Variants in ELK3 observed in about 807,000 individuals in gnomAD.
ELK3 encodes the protein ETS domain-containing protein Elk-3.
In ELK3, 10 loss-of-function variants were observed where a neutral mutation model predicts 28.9. That is an observed-to-expected ratio of 0.35 (90% CI 0.21 to 0.59). The LOEUF (loss-of-function observed/expected upper bound fraction) is 0.59. Ranked by LOEUF, ELK3 falls within the 20% of genes least tolerant of loss-of-function variation. The probability of loss-of-function intolerance (pLI) is 0.82; values close to 1 mark genes in which losing one functional copy is unlikely to be tolerated. For missense variants in ELK3, 463 were observed against 517.3 expected (o/e 0.90, Z 1.02); for synonymous variants, 272 against 243.5 (o/e 1.12, Z -1.09).
Position 96,223,852 on chromosome 12 carries a change from A to T in ELK3, c.207+79A>T. On this transcript the variant is annotated intron_variant, in intron 2 of 4. Transcript: ENST00000228741. Reference sequence around the variant, plus strand: ...CGTAGTTCACTGATGAAAGAAAATAATAGCGTGCTATGAATCAAGTTAGAA... The same window carrying T: ...CGTAGTTCACTGATGAAAGAAAATATTAGCGTGCTATGAATCAAGTTAGAA... 8 of 1,381,550 alleles carry T rather than the reference A, an allele frequency of 5.8e-6. No homozygotes were observed. In the East Asian group the frequency reaches 1.9e-4, roughly 33 times the overall value. 85.6% of individuals were successfully genotyped at this position (1,381,550 alleles called of 1,614,324 possible).
At chr12:96,266,418 C>T (rs1012636462) in intron 4 of ELK3, among the ~76,000 whole-genome samples, 4 of 152,070 alleles carry the variant, frequency 2.6e-5, no homozygotes, top group Non-Finnish European at 4.4e-5. Context: ...TGTTTCAGAC[C>T]TGAAACTCAT....
intron 4 of ELK3, among the ~76,000 whole-genome samples, chr12:96,265,070 G>A (rs995110961): frequency 2.6e-5 from 4 of 152,162 alleles, no homozygotes; most frequent in African/African-American, 9.7e-5. Context: ...TGGGAAAGAG[G>A]CATTGGTTGG....
At chr12:96,249,611 T>A (rs1164499269) in intron 3 of ELK3, among the ~76,000 whole-genome samples, 1 of 125,984 alleles carries the variant, frequency 7.9e-6, no homozygotes. Context: ...TGTTTACAAC[T>A]GTCAGGGTGA....
chr12:96,227,475 A>C (rs1951710418), intron 2 of ELK3, among the ~76,000 whole-genome samples: 1 of 151,628 alleles, frequency 6.6e-6, no homozygotes, highest in Non-Finnish European at 1.5e-5. Context: ...TTTATATGTT[A>C]TATGTTATAT....
intron 1 of ELK3, among the ~76,000 whole-genome samples, chr12:96,203,803 T>C (rs2268513): frequency 0.31 from 46,763 of 152,038 alleles, 7,550 homozygotes; most frequent in East Asian, 0.6. Flanking sequence ...TAGCCGAGTG[T>C]GGTGGCGCAT....
chr12:96,213,216 T>G (rs747503490), intron 1 of ELK3, among the ~76,000 whole-genome samples: 1 of 152,250 alleles, frequency 6.6e-6, no homozygotes, highest in Non-Finnish European at 1.5e-5. Flanking sequence ...TTAAATTGCC[T>G]TGCTGCTTTG....
At chr12:96,228,944 C>T (rs779141176) in intron 2 of ELK3, among the ~76,000 whole-genome samples, 47 of 152,226 alleles carry the variant, frequency 3.1e-4, no homozygotes, top group Middle Eastern at 3.2e-3. Flanking sequence ...GTGTCAGGCA[C>T]CTACTCAGTG....
intron 2 of ELK3, among the ~76,000 whole-genome samples, chr12:96,246,277 T>A (rs1343068182): frequency 1.3e-5 from 2 of 152,204 alleles, no homozygotes; most frequent in Non-Finnish European, 2.9e-5. Context: ...TCCAAATTTT[T>A]AAAATAGGAG....
chr12:96,239,692 C>T (rs148044297), intron 2 of ELK3, among the ~76,000 whole-genome samples: 178 of 152,366 alleles, frequency 1.2e-3, no homozygotes, highest in Non-Finnish European at 1.8e-3. Flanking sequence ...CAGGTTCCTG[C>T]CTCGGGTCTT....
chr12:96,264,267 G>A (rs982118586), intron 4 of ELK3, among the ~76,000 whole-genome samples: 8 of 152,124 alleles, frequency 5.3e-5, no homozygotes, highest in Non-Finnish European at 1.0e-4. Flanking sequence ...GATTACAGGT[G>A]TCAACGACCA....
chr12:96,243,431 T>C (rs573924156), intron 2 of ELK3, among the ~76,000 whole-genome samples: 6 of 152,176 alleles, frequency 3.9e-5, no homozygotes, highest in Non-Finnish European at 8.8e-5. Flanking sequence ...CAGTGAATCA[T>C]AGAATAGAAT....
chr12:96,229,917 T>C (rs535244297), intron 2 of ELK3, among the ~76,000 whole-genome samples: 7 of 152,226 alleles, frequency 4.6e-5, no homozygotes, highest in African/African-American at 1.7e-4. Flanking sequence ...GTTACGTCTG[T>C]AAAGACCCCT....
chr12:96,202,179 A>G (rs1951511606), intron 1 of ELK3, among the ~76,000 whole-genome samples: 1 of 152,188 alleles, frequency 6.6e-6, no homozygotes, highest in Non-Finnish European at 1.5e-5. Context: ...AGATCTGACC[A>G]GGTCATTCTT....
Position 96,266,515 on chromosome 12 carries a change from ATC to A in ELK3, c.1126-565_1126-564del, listed in dbSNP as rs763771430. 3.5e-4 allele frequency among the ~76,000 whole-genome samples: 53 copies of A among 152,314 alleles called. 1 individual carries two copies. The highest frequency in any genetic ancestry group is 2.2e-3 in the Admixed American group (34 of 15,300). On this transcript the variant is annotated intron_variant, in intron 4 of 4. Transcript: ENST00000228741. ...TCTTATTCTTTGTCACTTATGAGTG[ATC>A]TGTGTGATATTTTAATTAGAATACT... is the stretch of plus-strand genomic sequence containing the variant.
At chr12:96,248,862 C>G (rs146162623) in intron 3 of ELK3, among the ~76,000 whole-genome samples, 23 of 152,316 alleles carry the variant, frequency 1.5e-4, no homozygotes, top group African/African-American at 4.8e-4. Context: ...ATCCTGTTTC[C>G]AAAATGCTTG....
chr12:96,203,507 C>T (rs1294092281), intron 1 of ELK3, among the ~76,000 whole-genome samples: 2 of 152,088 alleles, frequency 1.3e-5, no homozygotes, highest in Non-Finnish European at 2.9e-5. Flanking sequence ...TAATCTGAAG[C>T]GGGGGTTGGG....
At chr12:96,232,247 G>A (rs1336896377) in intron 2 of ELK3, among the ~76,000 whole-genome samples, 1 of 152,150 alleles carries the variant, frequency 6.6e-6, no homozygotes, top group Non-Finnish European at 1.5e-5. Flanking sequence ...CATGCTAAAG[G>A]GTTGGAACTC....
chr12:96,240,153 C>T (rs1951810617), intron 2 of ELK3, among the ~76,000 whole-genome samples: 1 of 152,182 alleles, frequency 6.6e-6, no homozygotes, highest in Admixed American at 6.5e-5. Context: ...TGTTTCCCTG[C>T]TCAGTTGAGA....
intron 3 of ELK3, among the ~76,000 whole-genome samples, chr12:96,254,163 AAAGAT>A (rs1366567836): frequency 1.3e-5 from 2 of 152,182 alleles, no homozygotes; most frequent in Non-Finnish European, 2.9e-5. Flanking sequence ...CATCTCTACT[AAAGAT>A]AAGAAAATTA....
Sources: allele counts gnomAD v4.1 joint callset (sites outside exome capture counted in the v4.1 genomes callset), GRCh38; gene constraint gnomAD v4.1.1; transcripts MANE v1.5; gene names NCBI Gene and HGNC (gene_info 2026-07-23, HGNC 2026-07-21).